SGCZ: variants seen among roughly 807,000 people sequenced by gnomAD.
SGCZ encodes zeta-sarcoglycan.
In SGCZ, 40 loss-of-function variants were observed where a neutral mutation model predicts 41.3. The ratio of observed to expected loss-of-function variants is 0.97; its 90% CI spans 0.75 to 1.26. The LOEUF (loss-of-function observed/expected upper bound fraction) is 1.26, where lower values mean the gene tolerates loss of function less well. Among genes scored for constraint, SGCZ ranks in the 50% most tolerant of loss-of-function variants. SGCZ has a pLI of 0.00. For missense variants in SGCZ, 552 were observed against 369.8 expected (o/e 1.49, Z -4.04); for synonymous variants, 206 against 137.5 (o/e 1.50, Z -3.49).
rs576431364 is a variant in SGCZ at position 14,085,665 on chromosome 8, C to G, written c.*4778G>C. Among the ~76,000 whole-genome samples the G allele has an allele frequency of 6.6e-5, 10 of 151,746 alleles. No homozygotes were observed. The South Asian group carries it at 1.7e-3, about 25-fold the overall frequency. The stretch of plus-strand genomic sequence containing the variant: ...CTCAGCTGAGGAGATCCATGCTGGG[C>G]CCATTTTGGGATACGGTCTTTGCAT... On this transcript the variant is annotated 3_prime_UTR_variant, in exon 8 of 8. Transcript: ENST00000382080.
At chr8:14,406,079 C>T (rs186953939) in intron 2 of SGCZ, among the ~76,000 whole-genome samples, 8 of 149,224 alleles carry the variant, frequency 5.4e-5, no homozygotes, top group Admixed American at 2.6e-4. Context: ...ATCTCATCTC[C>T]TACAACCCTA....
intron 5 of SGCZ, among the ~76,000 whole-genome samples, chr8:14,141,365 T>C (rs942985071): frequency 6.6e-6 from 1 of 152,100 alleles, no homozygotes; most frequent in Non-Finnish European, 1.5e-5. Flanking sequence ...GAAACTACCA[T>C]CAGAGTGAAA....
rs537620343 is a variant in SGCZ at position 14,444,276 on chromosome 8, T to A, written c.234+110456A>T. ...TGGCGATTCCTCAGGGATCTAGAAC[T>A]AGAAATACCATTTATCCCAGCCTTT... On this transcript the variant is annotated intron_variant, in intron 2 of 7. Coordinates refer to ENST00000382080, the MANE Select transcript of SGCZ (RefSeq NM_139167.4). 7.2e-5 allele frequency among the ~76,000 whole-genome samples: 11 copies of A among 152,242 alleles called. No homozygotes were observed. In the South Asian group the frequency reaches 2.3e-3, roughly 32 times the overall value.
chr8:14,271,351 T>C (rs1374076563), intron 3 of SGCZ, among the ~76,000 whole-genome samples: 1 of 152,222 alleles, frequency 6.6e-6, no homozygotes, highest in Non-Finnish European at 1.5e-5. Context: ...ATTTTGTTTT[T>C]GATTGATTCA....
At chr8:14,895,274 T>C (rs1805154017) in intron 1 of SGCZ, among the ~76,000 whole-genome samples, 1 of 152,194 alleles carries the variant, frequency 6.6e-6, no homozygotes, top group Non-Finnish European at 1.5e-5. Context: ...GTACATTACC[T>C]AATTCTTCTG....
intron 1 of SGCZ, among the ~76,000 whole-genome samples, chr8:15,079,826 C>T (rs189239154): frequency 1.9e-4 from 29 of 152,258 alleles, no homozygotes; most frequent in African/African-American, 6.0e-4. Flanking sequence ...ATCATCCTAT[C>T]GCCCAAGTAG....
intron 4 of SGCZ, among the ~76,000 whole-genome samples, chr8:14,226,396 C>G (rs906043315): frequency 5.3e-5 from 8 of 152,082 alleles, no homozygotes; most frequent in Non-Finnish European, 1.0e-4. Flanking sequence ...TACCTAAACC[C>G]TCCCCCATAC....
At chr8:14,174,015 A>G (rs1015725913) in intron 4 of SGCZ, among the ~76,000 whole-genome samples, 2 of 152,088 alleles carry the variant, frequency 1.3e-5, no homozygotes, top group Non-Finnish European at 2.9e-5. Flanking sequence ...GAGTTTTAAA[A>G]AGCTACTTTG....
Position 14,476,633 on chromosome 8 carries a change from T to C in SGCZ, c.234+78099A>G, listed in dbSNP as rs1056068165. On this transcript the variant is annotated intron_variant, in intron 2 of 7. Coordinates refer to ENST00000382080, the MANE Select transcript of SGCZ (RefSeq NM_139167.4). The stretch of plus-strand genomic sequence containing the variant: ...TTTAATAAGATTAATGATTCATTTA[T>C]TGAGCAATTTCTATGTTTCAAATTC... Among the ~76,000 whole-genome samples, 3 of 152,180 alleles carry C rather than the reference T, an allele frequency of 2.0e-5. No individual in the cohort carries two copies. In the South Asian group the frequency reaches 6.2e-4, roughly 32 times the overall value.
intron 1 of SGCZ, among the ~76,000 whole-genome samples, chr8:14,832,355 T>G (rs1321484843): frequency 2.0e-5 from 3 of 152,164 alleles, no homozygotes; most frequent in Non-Finnish European, 4.4e-5. Flanking sequence ...GCCTAAAAGA[T>G]TGCTCAAGAA....
At chr8:14,741,307 C>G (rs574554323) in intron 1 of SGCZ, among the ~76,000 whole-genome samples, 1 of 152,122 alleles carries the variant, frequency 6.6e-6, no homozygotes, top group East Asian at 1.9e-4. Flanking sequence ...ATCTTTTAGA[C>G]CATCAACCAA....
chr8:14,911,670 T>G (rs1799283848), intron 1 of SGCZ, among the ~76,000 whole-genome samples: 1 of 152,008 alleles, frequency 6.6e-6, no homozygotes, highest in Admixed American at 6.6e-5. Context: ...TTTGTTACAA[T>G]GAGAATATAT....
At chr8:14,680,473 T>G (rs1186522573) in intron 1 of SGCZ, among the ~76,000 whole-genome samples, 1 of 152,132 alleles carries the variant, frequency 6.6e-6, no homozygotes, top group Non-Finnish European at 1.5e-5. Context: ...CTGTTCCTTT[T>G]GTTCAATTTT....
chr8:15,046,444 T>C (rs553688095), intron 1 of SGCZ, among the ~76,000 whole-genome samples: 26 of 152,206 alleles, frequency 1.7e-4, no homozygotes, highest in Non-Finnish European at 1.3e-4. Flanking sequence ...TGTAATCTAT[T>C]ATTAGTATTA....
intron 3 of SGCZ, among the ~76,000 whole-genome samples, chr8:14,279,814 C>G (rs113183453): frequency 0.031 from 4,761 of 151,598 alleles, 90 homozygotes; most frequent in African/African-American, 0.051. Context: ...TATTTATAAT[C>G]TGGATCCTCA....
chr8:14,546,380 G>A (rs759916737), intron 2 of SGCZ, among the ~76,000 whole-genome samples: 1 of 152,292 alleles, frequency 6.6e-6, no homozygotes, highest in East Asian at 1.9e-4. Context: ...TCTTATCGTG[G>A]ACAATGAGTT....
At chr8:14,150,871 A>G (rs1298449666) in intron 5 of SGCZ, among the ~76,000 whole-genome samples, 1 of 152,198 alleles carries the variant, frequency 6.6e-6, no homozygotes, top group Non-Finnish European at 1.5e-5. Flanking sequence ...AGTCACTTGC[A>G]TCAACGTGGA....
intron 1 of SGCZ, among the ~76,000 whole-genome samples, chr8:14,809,038 A>C (rs1235985827): frequency 4.6e-5 from 7 of 150,634 alleles, no homozygotes; most frequent in Admixed American, 1.3e-4. Flanking sequence ...AATGAGATCA[A>C]ATGGACACAG....
chr8:14,161,415 A>G (rs1179223479), intron 5 of SGCZ: 1 of 152,194 alleles, frequency 6.6e-6, no homozygotes, highest in Non-Finnish European at 1.5e-5. Flanking sequence ...TTGTGACTCT[A>G]GGGTGTGTAA....
Sources: gnomAD v4.1 joint callset for allele counts (sites outside exome capture counted in the v4.1 genomes callset) on GRCh38, gnomAD v4.1.1 for gene constraint, MANE v1.5 for transcripts, NCBI Gene and HGNC (gene_info 2026-07-23, HGNC 2026-07-21) for gene names.